TRMT61B: variants seen among roughly 807,000 people sequenced by gnomAD.
The protein encoded by TRMT61B is tRNA (adenine(58)-N(1))-methyltransferase, mitochondrial.
TRMT61B carries 56 observed loss-of-function variants against 52.0 expected under a neutral mutation model. The observed-to-expected ratio is 1.08, with a 90% CI of 0.87 to 1.35. The LOEUF is 1.35. Among genes scored for constraint, TRMT61B ranks in the 40% most tolerant of loss-of-function variants. The pLI is 0.00. For missense variants in TRMT61B, 650 were observed against 577.9 expected (o/e 1.12, Z -1.28); for synonymous variants, 206 against 220.0 (o/e 0.94, Z 0.56).
intron 1 of TRMT61B, 49 bp from the exon 2 acceptor site, chr2:28,865,168 TA>T: frequency 9.6e-7 from 1 of 1,042,958 alleles, no homozygotes. Context: ...AAATATGTAC[TA>T]AGCACCTAGT....
chr2:28,865,193 G>T, intron 1 of TRMT61B, 74 bp from the exon 2 acceptor site: 2 of 827,898 alleles, frequency 2.4e-6, no homozygotes, highest in Non-Finnish European at 2.0e-6. Context: ...ATCTTACATT[G>T]TTGGGTGTGC....
In TRMT61B at chr2:28,850,048, C is replaced by T. The variant is rs1328055620; in HGVS notation, c.*151G>A. The T allele has an allele frequency of 8.6e-7, 1 of 1,168,746 alleles. No individual in the cohort carries two copies. The highest frequency in any genetic ancestry group is 1.2e-6 in the Non-Finnish European group (1 of 809,252). The allele number at this position is 1,168,746 out of a possible 1,614,324, so 72.4% of individuals were successfully genotyped here. On this transcript the variant is annotated 3_prime_UTR_variant, in exon 7 of 7. Coordinates refer to ENST00000306108, the MANE Select transcript of TRMT61B (RefSeq NM_017910.4). The stretch of plus-strand genomic sequence containing the variant: ...TAAGCAGTTTTGCTATGTTATACAT[C>T]TTTTAGTTGTTATTTTCAAAATTAT...
intron 1 of TRMT61B, among the ~76,000 whole-genome samples, chr2:28,865,450 C>T (rs1168038456): frequency 6.6e-6 from 1 of 152,040 alleles, no homozygotes; most frequent in African/African-American, 2.4e-5. Context: ...AGAATAAATC[C>T]AGTTTGTTAT....
In TRMT61B at chr2:28,870,080, A is replaced by G. The variant is rs967836679; in HGVS notation, c.198T>C (p.Ser66=). ...AAQRKAPGAE[S]CPSLPLSISD... is the part of the protein sequence containing the mutation. ...AGATGCTCAGAGGGAGAGATGGGCA[A>G]GACTCTGCTCCTGGGGCTTTCCTTT... The change falls in exon 1 of 7, where the codon TCT becomes TCC. Residue 66 remains serine (S), a synonymous_variant. Coordinates refer to ENST00000306108, the MANE Select transcript of TRMT61B (RefSeq NM_017910.4). 1.2e-5 allele frequency: 19 copies of G among 1,613,828 alleles called. No individual in the cohort carries two copies. The highest frequency in any genetic ancestry group is 1.5e-5 in the Non-Finnish European group (18 of 1,180,000).
chr2:28,851,345 T>C, intron 4 of TRMT61B, 47 bp from the exon 5 acceptor site: 1 of 1,304,700 alleles, frequency 7.7e-7, no homozygotes, highest in East Asian at 2.5e-5. Flanking sequence ...ATAATAACAT[T>C]ATATTTATTT....
intron 3 of TRMT61B, among the ~76,000 whole-genome samples, chr2:28,858,720 G>A (rs183787103): frequency 0.011 from 1,613 of 147,602 alleles, 16 homozygotes; most frequent in Non-Finnish European, 0.017. Flanking sequence ...GCTTGAACCC[G>A]GGAGGCGGAG....
chr2:28,865,472 T>G (rs10179580), intron 1 of TRMT61B, among the ~76,000 whole-genome samples: 64,048 of 151,856 alleles, frequency 0.42, 14,459 homozygotes, highest in Non-Finnish European at 0.52. Flanking sequence ...TCAGGAGAGA[T>G]AGGCAGAGAA....
chr2:28,859,146 C>A (rs944521981), intron 3 of TRMT61B, among the ~76,000 whole-genome samples: 1 of 152,118 alleles, frequency 6.6e-6, no homozygotes, highest in Non-Finnish European at 1.5e-5. Context: ...GTGGCGCGAT[C>A]TCGGCTCACT....
chr2:28,862,577 C>T (rs1179719547), intron 2 of TRMT61B, among the ~76,000 whole-genome samples: 1 of 151,418 alleles, frequency 6.6e-6, no homozygotes, highest in Non-Finnish European at 1.5e-5. Context: ...AAGCAATCTG[C>T]CTGCCTCGGC....
At chr2:28,862,847 AT>A (rs1185163253) in intron 2 of TRMT61B, among the ~76,000 whole-genome samples, 3 of 120,472 alleles carry the variant, frequency 2.5e-5, no homozygotes, top group Non-Finnish European at 3.5e-5. Flanking sequence ...AAAAAAAAAA[AT>A]TAAAGGTATT....
intron 3 of TRMT61B, among the ~76,000 whole-genome samples, chr2:28,857,783 A>AG (rs540603712): frequency 5.4e-4 from 82 of 152,308 alleles, no homozygotes; most frequent in Non-Finnish European, 1.0e-3. Context: ...CTCCTCAGAA[A>AG]GAGTCATTGT....
At chr2:28,857,730 G>C (rs1669407812) in intron 3 of TRMT61B, among the ~76,000 whole-genome samples, 1 of 152,152 alleles carries the variant, frequency 6.6e-6, no homozygotes, top group Non-Finnish European at 1.5e-5. Flanking sequence ...AATCTGAATG[G>C]ACCCCAAACT....
rs767017206 is a variant in TRMT61B at position 28,849,860 on chromosome 2, C to A, written c.*339G>T. 4 of 1,555,012 alleles carry A rather than the reference C, an allele frequency of 2.6e-6. No homozygotes were observed. The highest frequency in any genetic ancestry group is 4.0e-5 in the Admixed American group (2 of 50,322). ...CATATTTTATTTCAGTAGTCAATGA[C>A]CATCAATCAAATAAAGGAAAGAAAA... On this transcript the variant is annotated 3_prime_UTR_variant, in exon 7 of 7. Transcript: ENST00000306108.
intron 1 of TRMT61B, among the ~76,000 whole-genome samples, chr2:28,866,826 G>T (rs1262927238): frequency 6.6e-6 from 1 of 152,064 alleles, no homozygotes; most frequent in East Asian, 1.9e-4. Context: ...TGGTGACAGG[G>T]TCTCTGTCAC....
intron 5 of TRMT61B, 87 bp downstream of exon 5, chr2:28,850,985 G>T: frequency 1.2e-6 from 1 of 822,560 alleles, no homozygotes; most frequent in Non-Finnish European, 1.8e-6. Flanking sequence ...AAATTGCTGA[G>T]GAATATTTTT....
chr2:28,867,914 T>A (rs1011460599), intron 1 of TRMT61B, among the ~76,000 whole-genome samples: 1 of 151,994 alleles, frequency 6.6e-6, no homozygotes, highest in African/African-American at 2.4e-5. Context: ...TAGCTAGGCA[T>A]AGTGGCATGC....
At chr2:28,864,301 A>G (rs991984373) in intron 2 of TRMT61B, among the ~76,000 whole-genome samples, 4 of 152,204 alleles carry the variant, frequency 2.6e-5, no homozygotes, top group Non-Finnish European at 4.4e-5. Context: ...GTATTCAACA[A>G]TAACATGACA....
chr2:28,868,539 A>G (rs1186650797), intron 1 of TRMT61B, among the ~76,000 whole-genome samples: 1 of 152,240 alleles, frequency 6.6e-6, no homozygotes, highest in Non-Finnish European at 1.5e-5. Flanking sequence ...TGAGGACTGC[A>G]GTTCAACACT....
At chr2:28,859,334 G>T (rs1356943363) in intron 3 of TRMT61B, among the ~76,000 whole-genome samples, 1 of 152,164 alleles carries the variant, frequency 6.6e-6, no homozygotes, top group Non-Finnish European at 1.5e-5. Context: ...GCCTGCCTCG[G>T]CCTCCCAAAG....
Sources: gnomAD v4.1 joint callset for allele counts (sites outside exome capture counted in the v4.1 genomes callset) on GRCh38, gnomAD v4.1.1 for gene constraint, MANE v1.5 for transcripts, NCBI Gene and HGNC (gene_info 2026-07-23, HGNC 2026-07-21) for gene names.